The following COL22A1 variants were observed in gnomAD, a reference collection of about 807,000 sequenced individuals.
COL22A1 encodes the protein collagen alpha-1(XXII) chain.
Under a neutral mutation model 248.9 loss-of-function variants are expected in COL22A1, and 221 were observed. That is an observed-to-expected ratio of 0.89 (90% CI 0.80 to 0.99). The LOEUF is 0.99. COL22A1 is among the 50% of genes least tolerant of loss of function. The pLI is 0.00. For missense variants in COL22A1, 2,240 were observed against 2,179.0 expected, an observed-to-expected ratio of 1.03 and a Z score of -0.56; for synonymous variants, 891 against 793.4, an observed-to-expected ratio of 1.12 and a Z score of -2.07.
intron 16 of COL22A1, among the ~76,000 whole-genome samples, chr8:138,770,120 C>T (rs1384691706): frequency 2.0e-5 from 3 of 152,142 alleles, no homozygotes; most frequent in Non-Finnish European, 4.4e-5. Context: ...CAGCCTAGTT[C>T]CTCCGATTCC....
chr8:138,766,516 T>C (rs1833924635), intron 16 of COL22A1, among the ~76,000 whole-genome samples: 1 of 150,448 alleles, frequency 6.6e-6, no homozygotes, highest in African/African-American at 2.5e-5. Context: ...AGAGACTCAG[T>C]AACAGAAAAA....
intron 34 of COL22A1, 139 bp downstream of exon 34, chr8:138,694,369 C>A: frequency 1.1e-6 from 1 of 879,454 alleles, no homozygotes; most frequent in Non-Finnish European, 1.9e-6. Flanking sequence ...TCAGCCTCTG[C>A]AGCACATTGG....
intron 3 of COL22A1, among the ~76,000 whole-genome samples, chr8:138,852,385 G>T (rs1435639335): frequency 6.6e-6 from 1 of 152,192 alleles, no homozygotes; most frequent in African/African-American, 2.4e-5. Context: ...TCTGAAGGTA[G>T]ATTAGATGTG....
intron 61 of COL22A1, 101 bp from the exon 62 acceptor site, chr8:138,597,071 A>G: frequency 3.5e-6 from 3 of 864,098 alleles, no homozygotes; most frequent in Non-Finnish European, 3.8e-6. Context: ...GGTGGTATAT[A>G]CCCACACAGG....
intron 43 of COL22A1, 88 bp from the exon 44 acceptor site, chr8:138,660,568 T>C (rs1823732970): frequency 8.4e-7 from 1 of 1,196,344 alleles, no homozygotes; most frequent in Admixed American, 1.8e-5. Context: ...TCTCTCTATC[T>C]GCTAAGTGTA....
At chr8:138,805,952 T>C (rs539663527) in intron 10 of COL22A1, among the ~76,000 whole-genome samples, 45 of 131,064 alleles carry the variant, frequency 3.4e-4, no homozygotes, top group Non-Finnish European at 3.6e-4. Context: ...GATGGTATAT[T>C]ATGGTGTGTA....
chr8:138,664,777 T>C (rs1281178255), intron 41 of COL22A1, among the ~76,000 whole-genome samples: 1 of 152,166 alleles, frequency 6.6e-6, no homozygotes, highest in African/African-American at 2.4e-5. Flanking sequence ...TAGCATTTGA[T>C]CAAAATGAAA....
intron 10 of COL22A1, among the ~76,000 whole-genome samples, chr8:138,805,081 G>A (rs554273698): frequency 6.9e-6 from 1 of 145,140 alleles, no homozygotes; most frequent in African/African-American, 2.6e-5. Flanking sequence ...GTGTGTGTTA[G>A]TGTAGGTAAT....
intron 3 of COL22A1, among the ~76,000 whole-genome samples, chr8:138,875,783 G>A (rs76236631): frequency 0.011 from 1,662 of 152,242 alleles, 18 homozygotes; most frequent in Admixed American, 0.022. Flanking sequence ...CATTCTGTGT[G>A]CGCTTATCTA....
chr8:138,715,933 C>G (rs1416192151), intron 29 of COL22A1, among the ~76,000 whole-genome samples, 198 bp from the exon 30 acceptor site: 2 of 152,150 alleles, frequency 1.3e-5, no homozygotes. Context: ...CGTGAAGCAC[C>G]TCATTCTCCA....
chr8:138,696,463 AC>A (rs1186513291), intron 32 of COL22A1, among the ~76,000 whole-genome samples: 3 of 149,900 alleles, frequency 2.0e-5, no homozygotes, highest in African/African-American at 7.5e-5. Context: ...AGTAGTTCTA[AC>A]CTTTACTTGG....
At position 138,597,110 on chromosome 8, in the gene COL22A1, C is replaced by T. The variant is rs919231460; in HGVS notation, c.4366-140G>A. On this transcript the variant is annotated intron_variant, in intron 61 of 64. Transcript: ENST00000303045. ...GCACATGTTCCTAGCCCAATCTTTT[C>T]CACATCTCTAATCCCTTCCTCTCTT... 7.6e-6 allele frequency: 5 copies of T among 658,342 alleles called. No homozygotes were observed. In the African/African-American group the frequency reaches 9.0e-5, roughly 12 times the overall value. The allele number at this position is 658,342 out of a possible 1,614,324, so 40.8% of individuals were successfully genotyped here.
chr8:138,805,002 C>T (rs13254917), intron 10 of COL22A1, among the ~76,000 whole-genome samples: 45,145 of 112,318 alleles, frequency 0.4, 8,301 homozygotes, highest in African/African-American at 0.58. Context: ...ATGGTGTAGG[C>T]AATGGTGTGT....
chr8:138,673,557 G>A (rs1214307029), intron 41 of COL22A1, among the ~76,000 whole-genome samples: 1 of 152,172 alleles, frequency 6.6e-6, no homozygotes, highest in East Asian at 1.9e-4. Flanking sequence ...TCTCACAGAA[G>A]ATTAATGGAA....
At chr8:138,845,799 G>A (rs1205805010) in intron 3 of COL22A1, among the ~76,000 whole-genome samples, 1 of 152,144 alleles carries the variant, frequency 6.6e-6, no homozygotes. Context: ...CTGAAAGGCT[G>A]TAAGGAGGTT....
chr8:138,614,621 T>G (rs1819164855), intron 55 of COL22A1, among the ~76,000 whole-genome samples: 1 of 152,114 alleles, frequency 6.6e-6, no homozygotes, highest in South Asian at 2.1e-4. Context: ...CCTGCCTGGG[T>G]AGCACCCTGC....
chr8:138,780,469 G>A (rs1276113736), intron 13 of COL22A1, among the ~76,000 whole-genome samples: 1 of 152,194 alleles, frequency 6.6e-6, no homozygotes, highest in Non-Finnish European at 1.5e-5. Flanking sequence ...GGTTGCTGGA[G>A]GATGTTGCAG....
intron 4 of COL22A1, among the ~76,000 whole-genome samples, chr8:138,836,736 A>G (rs1244340942): frequency 6.6e-6 from 1 of 152,184 alleles, no homozygotes; most frequent in African/African-American, 2.4e-5. Flanking sequence ...TGTTGATCAT[A>G]TTTCCCCCAA....
At chr8:138,598,575 G>T in intron 61 of COL22A1, 144 bp downstream of exon 61, 1 of 722,902 alleles carries the variant, frequency 1.4e-6, no homozygotes. Context: ...GATTCAGAGA[G>T]GAAAAGTAGC....
Sources: gnomAD v4.1 joint callset for allele counts (sites outside exome capture counted in the v4.1 genomes callset) on GRCh38, gnomAD v4.1.1 for gene constraint, MANE v1.5 for transcripts, NCBI Gene and HGNC (gene_info 2026-07-23, HGNC 2026-07-21) for gene names.